The following RAC1 variants were observed in gnomAD, a reference collection of about 807,000 sequenced individuals.
RAC1 encodes the protein ras-related C3 botulinum toxin substrate 1.
A neutral mutation model predicts 25.2 loss-of-function variants in RAC1; 2 were observed. The ratio of observed to expected loss-of-function variants is 0.08; its 90% CI spans 0.03 to 0.25. RAC1 has a LOEUF of 0.25. RAC1 is among the 10% of genes least tolerant of loss of function. The pLI is 1.00. For missense variants in RAC1, 50 were observed against 235.7 expected, an observed-to-expected ratio of 0.21 and a Z score of 5.16; for synonymous variants, 88 against 94.0, an observed-to-expected ratio of 0.94 and a Z score of 0.37.
At chr7:6,379,367 TG>T (rs1193682119) in intron 1 of RAC1, among the ~76,000 whole-genome samples, 1 of 149,202 alleles carries the variant, frequency 6.7e-6, no homozygotes, top group Non-Finnish European at 1.5e-5. Context: ...CTCCTCCTCC[TG>T]GGTTCAAGCG....
In RAC1 at chr7:6,402,529, A is replaced by AC. The variant is rs1354544439; in HGVS notation, c.*83_*84insC. ...AAAAAAAACAAAAAAAAAAAACAAA[A>AC]AAAAAAAACAACGGTGGAGCCTTCG... On this transcript the variant is annotated 3_prime_UTR_variant, in exon 6 of 6. Transcript: ENST00000348035. 162 of 1,096,694 alleles carry AC rather than the reference A, an allele frequency of 1.5e-4. 9 individuals are homozygous for AC. Among genetic ancestry groups the AC allele is most frequent in the Admixed American group, 2.5e-4 (6 of 24,208 alleles). The allele number at this position is 1,096,694 out of a possible 1,614,324, so 67.9% of individuals were successfully genotyped here.
At chr7:6,397,235 TG>T (rs1783266504) in intron 3 of RAC1, among the ~76,000 whole-genome samples, 1 of 58,312 alleles carries the variant, frequency 1.7e-5, no homozygotes. Context: ...AGCGAGACTC[TG>T]TCTCAAAAAA....
intron 3 of RAC1, among the ~76,000 whole-genome samples, chr7:6,395,154 G>A (rs887573803): frequency 1.3e-5 from 2 of 152,006 alleles, no homozygotes; most frequent in African/African-American, 2.4e-5. Flanking sequence ...TAGTAGAGAC[G>A]GGGGTTTCTC....
intron 1 of RAC1, among the ~76,000 whole-genome samples, chr7:6,376,176 C>G (rs1298993457): frequency 1.5e-5 from 1 of 65,514 alleles, no homozygotes; most frequent in Non-Finnish European, 2.6e-5. Flanking sequence ...GCTATTCAGG[C>G]TTTTTTTTTT....
chr7:6,395,531 G>A (rs902275324), intron 3 of RAC1, among the ~76,000 whole-genome samples: 9 of 152,166 alleles, frequency 5.9e-5, no homozygotes, highest in African/African-American at 2.2e-4. Flanking sequence ...GGGGATATTT[G>A]GTGATTTTTG....
At chr7:6,380,417 T>TA (rs1782732283) in intron 1 of RAC1, among the ~76,000 whole-genome samples, 1 of 152,146 alleles carries the variant, frequency 6.6e-6, no homozygotes, top group Admixed American at 6.6e-5. Context: ...AAATGATAGT[T>TA]ACAGTAAAAG....
chr7:6,393,703 G>T (rs1158817648), intron 3 of RAC1, among the ~76,000 whole-genome samples: 1 of 152,166 alleles, frequency 6.6e-6, no homozygotes, highest in East Asian at 1.9e-4. Flanking sequence ...GAGCAAGGAG[G>T]GAGTGGGACA....
At chr7:6,401,440 GATA>G (rs1254451409) in intron 4 of RAC1, among the ~76,000 whole-genome samples, 1 of 152,206 alleles carries the variant, frequency 6.6e-6, no homozygotes, top group East Asian at 1.9e-4. Flanking sequence ...TTTCAGTGGA[GATA>G]ATAGCGGCAG....
chr7:6,386,233 A>T (rs529493654), intron 1 of RAC1, among the ~76,000 whole-genome samples: 2 of 152,278 alleles, frequency 1.3e-5, no homozygotes, highest in African/African-American at 4.8e-5. Context: ...GTATTGTGAT[A>T]GTCCCTGCTT....
At chr7:6,376,537 C>G (rs34418095) in intron 1 of RAC1, among the ~76,000 whole-genome samples, 12,338 of 138,170 alleles carry the variant, frequency 0.089, 905 homozygotes, top group African/African-American at 0.21. Context: ...GGGTCTCACT[C>G]TGTCGCCCAG....
intron 1 of RAC1, among the ~76,000 whole-genome samples, chr7:6,377,701 G>C (rs1318783492): frequency 6.6e-6 from 1 of 152,184 alleles, no homozygotes; most frequent in Admixed American, 6.5e-5. Flanking sequence ...GTTCACCTGA[G>C]GTCAGGAGTT....
chr7:6,395,702 C>G (rs1214322451), intron 3 of RAC1, among the ~76,000 whole-genome samples: 2 of 152,136 alleles, frequency 1.3e-5, no homozygotes, highest in African/African-American at 4.8e-5. Flanking sequence ...AGTAACACCT[C>G]CACCAGGGCG....
intron 2 of RAC1, among the ~76,000 whole-genome samples, chr7:6,390,408 T>G (rs1015589591): frequency 6.6e-6 from 1 of 151,970 alleles, no homozygotes; most frequent in Admixed American, 6.6e-5. Flanking sequence ...AAGACCAGCC[T>G]GATCAACATG....
chr7:6,394,341 C>T (rs1304522368), intron 3 of RAC1, among the ~76,000 whole-genome samples: 3 of 152,202 alleles, frequency 2.0e-5, no homozygotes, highest in South Asian at 4.1e-4. Context: ...ATTACGTAAT[C>T]CTTACATTAT....
intron 1 of RAC1, among the ~76,000 whole-genome samples, chr7:6,386,810 AAAAG>A (rs936619069): frequency 8.6e-5 from 13 of 151,626 alleles, no homozygotes; most frequent in African/African-American, 2.2e-4. Flanking sequence ...AAAAAGAAAA[AAAAG>A]AAAAAAAGAA....
chr7:6,396,308 G>T (rs1562468516), intron 3 of RAC1, among the ~76,000 whole-genome samples: 1 of 152,176 alleles, frequency 6.6e-6, no homozygotes, highest in African/African-American at 2.4e-5. Context: ...GCCAGGGTCA[G>T]CCAGCACAGC....
intron 3 of RAC1, among the ~76,000 whole-genome samples, chr7:6,393,168 G>A (rs1783135202): frequency 6.6e-6 from 1 of 152,192 alleles, no homozygotes; most frequent in Non-Finnish European, 1.5e-5. Flanking sequence ...GGCAGCCTGT[G>A]ATTGATTCAA....
At chr7:6,390,096 C>CTGTTTTTTTTTT (rs1783049092) in intron 2 of RAC1, among the ~76,000 whole-genome samples, 2 of 74,924 alleles carry the variant, frequency 2.7e-5, no homozygotes, top group African/African-American at 1.3e-4. Flanking sequence ...CCCTCCCTCC[C>CTGTTTTTTTTTT]TTTTTTTTTT....
In RAC1 at chr7:6,392,026, A is replaced by G. The variant is rs777676140; in HGVS notation, c.210A>G (p.Leu70=). Residue 70 remains leucine (L), a synonymous_variant, in exon 3 of 6, where the codon CTA becomes CTG. Transcript: ENST00000348035. ...AAGATTATGACAGATTACGCCCCCT[A>G]TCCTATCCGCAAACAGTAAGGATTG... The part of the protein sequence containing the change: ...GQEDYDRLRP[L]SYPQTDVFLI... 6 of 1,614,160 alleles carry G rather than the reference A, an allele frequency of 3.7e-6. No homozygotes were observed. The highest frequency in any genetic ancestry group is 1.6e-4 in the Middle Eastern group (1 of 6,062).
Sources: allele counts gnomAD v4.1 joint callset (sites outside exome capture counted in the v4.1 genomes callset), GRCh38; gene constraint gnomAD v4.1.1; transcripts MANE v1.5; gene names NCBI Gene and HGNC (gene_info 2026-07-23, HGNC 2026-07-21).